MYO3B: variants seen among roughly 807,000 people sequenced by gnomAD.
The protein encoded by MYO3B is myosin IIIB.
Under a neutral mutation model 174.6 loss-of-function variants are expected in MYO3B, and 156 were observed. That is an observed-to-expected ratio of 0.89 (90% CI 0.78 to 1.02). The LOEUF (loss-of-function observed/expected upper bound fraction) is 1.02. Among genes scored for constraint, MYO3B ranks in the 50% least tolerant of loss-of-function variants. MYO3B has a pLI of 0.00. For synonymous variants in MYO3B, 563 were observed against 569.1 expected, an observed-to-expected ratio of 0.99 and a Z score of 0.15; for missense variants, 1,632 against 1,639.4, an observed-to-expected ratio of 1.00 and a Z score of 0.08.
intron 14 of MYO3B, 39 bp from the exon 15 acceptor site, chr2:170,391,480 AG>A: frequency 1.0e-6 from 1 of 996,416 alleles, no homozygotes; most frequent in Non-Finnish European, 1.5e-6. Flanking sequence ...GGGATGGGGA[AG>A]CCAGAATATA....
At chr2:170,335,573 C>A in intron 8 of MYO3B, 123 bp downstream of exon 8, 1 of 735,838 alleles carries the variant, frequency 1.4e-6, no homozygotes, top group Non-Finnish European at 2.3e-6. Flanking sequence ...CGTTATGACT[C>A]GGGGTTTGTT....
intron 25 of MYO3B, among the ~76,000 whole-genome samples, chr2:170,498,073 C>T (rs565316430): frequency 3.3e-5 from 5 of 151,822 alleles, no homozygotes; most frequent in South Asian, 2.1e-4. Flanking sequence ...ATGTGGTTTT[C>T]GTGATTATAT....
intron 7 of MYO3B, among the ~76,000 whole-genome samples, chr2:170,245,622 T>A (rs1424441039): frequency 6.6e-6 from 1 of 152,224 alleles, no homozygotes. Context: ...CAGAGGGGAA[T>A]AAATGGCTAC....
intron 32 of MYO3B, among the ~76,000 whole-genome samples, chr2:170,553,853 C>G (rs1691093650): frequency 6.6e-6 from 1 of 152,276 alleles, no homozygotes; most frequent in East Asian, 1.9e-4. Flanking sequence ...TTGCTGTTCT[C>G]ATGATAGTGA....
chr2:170,350,652 A>G (rs1270736052), intron 8 of MYO3B: 1 of 152,240 alleles, frequency 6.6e-6, no homozygotes, highest in Non-Finnish European at 1.5e-5. Context: ...TCACTGTAAA[A>G]TAAAATTAGG....
intron 22 of MYO3B, among the ~76,000 whole-genome samples, chr2:170,426,497 G>A (rs973263711): frequency 6.6e-6 from 1 of 150,574 alleles, no homozygotes; most frequent in African/African-American, 2.4e-5. Context: ...CACCATGCCC[G>A]GATGATTTTT....
At chr2:170,407,866 G>T (rs2094521031) in intron 22 of MYO3B, 22 bp downstream of exon 22, 1 of 1,613,356 alleles carries the variant, frequency 6.2e-7, no homozygotes, top group Non-Finnish European at 8.5e-7. Context: ...CCCTCTGATA[G>T]CCCTGCTCTT....
intron 7 of MYO3B, among the ~76,000 whole-genome samples, chr2:170,293,235 A>G (rs2093607578): frequency 6.6e-6 from 1 of 152,138 alleles, no homozygotes; most frequent in Non-Finnish European, 1.5e-5. Context: ...CTGCACTGCC[A>G]TTTGAAAACT....
intron 7 of MYO3B, among the ~76,000 whole-genome samples, chr2:170,310,469 C>T (rs933755105): frequency 6.6e-6 from 1 of 151,972 alleles, no homozygotes; most frequent in Non-Finnish European, 1.5e-5. Context: ...TTGAGACCAG[C>T]CTGGCCATCG....
intron 7 of MYO3B, among the ~76,000 whole-genome samples, chr2:170,261,694 G>A (rs750044651): frequency 6.6e-6 from 1 of 152,162 alleles, no homozygotes; most frequent in Non-Finnish European, 1.5e-5. Context: ...AAAATGCCTG[G>A]TTGTGGCATG....
At chr2:170,249,704 C>T (rs927358845) in intron 7 of MYO3B, among the ~76,000 whole-genome samples, 1 of 152,198 alleles carries the variant, frequency 6.6e-6, no homozygotes, top group Admixed American at 6.5e-5. Context: ...ACAGATGAAT[C>T]ATGAGGCAGC....
At chr2:170,546,128 C>T (rs1240871512) in intron 32 of MYO3B, among the ~76,000 whole-genome samples, 1 of 152,156 alleles carries the variant, frequency 6.6e-6, no homozygotes, top group Non-Finnish European at 1.5e-5. Flanking sequence ...TCCACATGTC[C>T]TTCTTCCTCG....
intron 7 of MYO3B, among the ~76,000 whole-genome samples, chr2:170,273,365 T>C (rs2093439216): frequency 6.6e-6 from 1 of 152,046 alleles, no homozygotes; most frequent in South Asian, 2.1e-4. Context: ...ATTATCCCAA[T>C]AAGTCTAGAA....
At chr2:170,408,928 G>C (rs151146161) in intron 22 of MYO3B, among the ~76,000 whole-genome samples, 1,803 of 152,212 alleles carry the variant, frequency 0.012, 46 homozygotes, top group African/African-American at 0.041. Flanking sequence ...AGCAGCCGGG[G>C]TTTAATTCAA....
intron 9 of MYO3B, among the ~76,000 whole-genome samples, chr2:170,375,891 C>G (rs1179631381): frequency 6.6e-6 from 1 of 152,180 alleles, no homozygotes; most frequent in Non-Finnish European, 1.5e-5. Context: ...AGAAATAAAT[C>G]TATACCTTGC....
At chr2:170,486,439 G>A (rs1192476359) in intron 25 of MYO3B, among the ~76,000 whole-genome samples, 3 of 151,804 alleles carry the variant, frequency 2.0e-5, no homozygotes, top group African/African-American at 7.3e-5. Context: ...CAAGTAGCTG[G>A]GATTACAGGC....
At chr2:170,580,866 G>A (rs558996897) in intron 32 of MYO3B, among the ~76,000 whole-genome samples, 8 of 151,782 alleles carry the variant, frequency 5.3e-5, no homozygotes, top group East Asian at 1.9e-4. Flanking sequence ...TATTTATCAC[G>A]TTGATACATA....
intron 7 of MYO3B, among the ~76,000 whole-genome samples, chr2:170,295,529 A>C (rs2093623846): frequency 6.6e-6 from 1 of 151,996 alleles, no homozygotes; most frequent in African/African-American, 2.4e-5. Context: ...AAAAGCTTTA[A>C]CTCTAGAAAT....
chr2:170,430,684 T>A (rs956842043), intron 22 of MYO3B, among the ~76,000 whole-genome samples: 13 of 152,210 alleles, frequency 8.5e-5, no homozygotes, highest in Non-Finnish European at 1.8e-4. Flanking sequence ...TAGCTTCTTA[T>A]ACCATATAAA....
Sources: allele counts gnomAD v4.1 joint callset (sites outside exome capture counted in the v4.1 genomes callset), GRCh38; gene constraint gnomAD v4.1.1; transcripts MANE v1.5; gene names NCBI Gene and HGNC (gene_info 2026-07-23, HGNC 2026-07-21).